Variants in RTN1 observed in about 807,000 individuals in gnomAD.
The protein encoded by RTN1 is reticulon 1.
In RTN1, 25 loss-of-function variants were observed where a neutral mutation model predicts 65.5. That is an observed-to-expected ratio of 0.38 (90% CI 0.28 to 0.53). The LOEUF (loss-of-function observed/expected upper bound fraction) is 0.53, where lower values mean the gene tolerates loss of function less well. Ranked by LOEUF, RTN1 falls within the 20% of genes least tolerant of loss-of-function variation. The pLI, the probability that RTN1 is intolerant of heterozygous loss-of-function variation, is 0.79. For missense variants in RTN1, 983 were observed against 1,025.4 expected (o/e 0.96, Z 0.57); for synonymous variants, 471 against 447.6 (o/e 1.05, Z -0.66).
chr14:59,840,399 T>C (rs942555772), intron 1 of RTN1, among the ~76,000 whole-genome samples: 1 of 152,200 alleles, frequency 6.6e-6, no homozygotes, highest in African/African-American at 2.4e-5. Flanking sequence ...TAAGAGCACA[T>C]GCTTTCAAGT....
intron 3 of RTN1, among the ~76,000 whole-genome samples, chr14:59,717,614 G>T (rs529647210): frequency 4.6e-5 from 7 of 152,326 alleles, no homozygotes; most frequent in Admixed American, 1.3e-4. Context: ...GCATTGTGGG[G>T]TGGAGAGATG....
intron 1 of RTN1, among the ~76,000 whole-genome samples, chr14:59,764,226 G>A (rs981482216): frequency 2.3e-4 from 35 of 152,114 alleles, no homozygotes; most frequent in African/African-American, 8.0e-4. Context: ...CTGTTTTAGA[G>A]CATAGAAGTG....
At position 59,727,154 on chromosome 14, in the gene RTN1, C is replaced by A. The variant is rs777516246; in HGVS notation, c.1530G>T (p.Ala510=). The A allele has an allele frequency of 3.8e-6, 6 of 1,598,036 alleles. No individual in the cohort carries two copies. In the Admixed American group the frequency reaches 8.7e-5, roughly 23 times the overall value. The change falls in exon 3 of 9, where the codon GCG becomes GCT. Residue 510 remains alanine, a synonymous_variant. Transcript: ENST00000267484. The surrounding 1 kb of genome is among the most constrained non-coding windows in gnomAD (Gnocchi z 4.2). ...GCTCGGCCAGGCCCCGCCGGCTTGG[C>A]GCACGCTCCTCGGCCCGGACGCCAG... ...EETGVRAEER[A]PSRRGLAEPG...
intron 1 of RTN1, among the ~76,000 whole-genome samples, chr14:59,755,891 A>C (rs1242639640): frequency 6.6e-6 from 1 of 152,198 alleles, no homozygotes. Flanking sequence ...TAAGAATATG[A>C]GTAACTACTC....
chr14:59,735,291 G>A (rs1884980632), intron 2 of RTN1, among the ~76,000 whole-genome samples: 1 of 152,130 alleles, frequency 6.6e-6, no homozygotes, highest in Middle Eastern at 3.2e-3. Flanking sequence ...ACACATTGAA[G>A]TATACAGACC....
chr14:59,604,080 G>A, intron 5 of RTN1, 159 bp from the exon 6 acceptor site: 1 of 492,350 alleles, frequency 2.0e-6, no homozygotes, highest in East Asian at 3.5e-5. Context: ...ATCAATGAAA[G>A]AGGATCCAGT....
Position 59,732,873 on chromosome 14 carries a change from G to A in RTN1, c.1016-5205C>T, listed in dbSNP as rs142987498. Reference sequence around the variant, plus strand: ...CTTACAAGATAAGGCCCACTGGCTCGGAATTTCAGCCAGCCACCAGCAACA... The same window carrying A: ...CTTACAAGATAAGGCCCACTGGCTCAGAATTTCAGCCAGCCACCAGCAACA... On this transcript the variant is annotated intron_variant, in intron 2 of 8. Coordinates refer to ENST00000267484, the MANE Select transcript of RTN1 (RefSeq NM_021136.3). Among the ~76,000 whole-genome samples, 654 of 152,252 alleles carry A rather than the reference G, an allele frequency of 4.3e-3. 3 individuals carry two copies. The highest frequency in any genetic ancestry group is 6.6e-3 in the Admixed American group (101 of 15,292).
At chr14:59,728,409 T>C (rs1320961763) in intron 2 of RTN1, among the ~76,000 whole-genome samples, 1 of 152,016 alleles carries the variant, frequency 6.6e-6, no homozygotes, top group Non-Finnish European at 1.5e-5. Flanking sequence ...TCTTCTCCTC[T>C]CTTCACTTCC....
intron 3 of RTN1, among the ~76,000 whole-genome samples, chr14:59,615,496 T>A (rs1420704080): frequency 1.3e-5 from 2 of 152,100 alleles, no homozygotes; most frequent in Non-Finnish European, 2.9e-5. Context: ...ATCATACTGA[T>A]GTGGGGCCTG....
At chr14:59,775,188 C>T (rs1215994117) in intron 1 of RTN1, among the ~76,000 whole-genome samples, 1 of 152,076 alleles carries the variant, frequency 6.6e-6, no homozygotes, top group Non-Finnish European at 1.5e-5. Flanking sequence ...TGTCTACTGG[C>T]TGAATGTCAC....
chr14:59,797,245 C>T (rs535188672), intron 1 of RTN1, among the ~76,000 whole-genome samples: 1 of 152,152 alleles, frequency 6.6e-6, no homozygotes, highest in South Asian at 2.1e-4. Flanking sequence ...TTTTGAGCAA[C>T]TTCTATAAGC....
Position 59,829,050 on chromosome 14 carries a change from T to G in RTN1, c.241+41340A>C, listed in dbSNP as rs1317229967. ...ACTGCTCAATACTGAAGCAGCTGAA[T>G]AATGATGGACTTTAGGACACTTAAC... On this transcript the variant is annotated intron_variant, in intron 1 of 8. Transcript: ENST00000267484. This position sits in a 1 kb window ranked among gnomAD's most constrained non-coding sequence, Gnocchi z 4.3. Among the ~76,000 whole-genome samples the G allele has an allele frequency of 6.6e-6, 1 of 152,200 alleles. No individual in the cohort carries two copies. Among genetic ancestry groups the G allele is most frequent in the Admixed American group, 6.5e-5 (1 of 15,278 alleles).
chr14:59,600,513 G>A (rs556592619), intron 8 of RTN1, among the ~76,000 whole-genome samples: 27 of 152,272 alleles, frequency 1.8e-4, no homozygotes, highest in African/African-American at 6.0e-4. Flanking sequence ...TACCACTAAA[G>A]TGGTGTAAGT....
chr14:59,721,635 A>G (rs1489131439), intron 3 of RTN1, among the ~76,000 whole-genome samples: 1 of 152,214 alleles, frequency 6.6e-6, no homozygotes, highest in Admixed American at 6.5e-5. Flanking sequence ...AGTCCTTGCT[A>G]GCTTAAAGAA....
At chr14:59,639,768 T>C (rs1280263333) in intron 3 of RTN1, among the ~76,000 whole-genome samples, 11 of 152,210 alleles carry the variant, frequency 7.2e-5, no homozygotes, top group Non-Finnish European at 1.5e-4. Context: ...CAAATACTTT[T>C]TCTAAAGCTA....
At chr14:59,787,362 T>A (rs1038118340) in intron 1 of RTN1, among the ~76,000 whole-genome samples, 8 of 152,308 alleles carry the variant, frequency 5.3e-5, no homozygotes, top group African/African-American at 1.9e-4. Flanking sequence ...ATCTTCAGTC[T>A]ACTCTTTTGT....
chr14:59,786,256 A>C (rs1013160357), intron 1 of RTN1, among the ~76,000 whole-genome samples: 1 of 152,172 alleles, frequency 6.6e-6, no homozygotes, highest in Non-Finnish European at 1.5e-5. Context: ...AGATAGGCCT[A>C]GGTTTGAATT....
chr14:59,783,159 T>C (rs1886187585), intron 1 of RTN1, among the ~76,000 whole-genome samples: 1 of 152,216 alleles, frequency 6.6e-6, no homozygotes, highest in Admixed American at 6.5e-5. Context: ...AATCTATATG[T>C]TGATCCCTAT....
chr14:59,667,768 G>A (rs2140212182), intron 3 of RTN1, among the ~76,000 whole-genome samples: 1 of 152,224 alleles, frequency 6.6e-6, no homozygotes, highest in Non-Finnish European at 1.5e-5. Context: ...AAAGTCTCAG[G>A]ATACAAAATC....
Sources: allele counts gnomAD v4.1 joint callset (sites outside exome capture counted in the v4.1 genomes callset), GRCh38; gene constraint gnomAD v4.1.1; non-coding constraint Gnocchi (gnomAD v3.1); transcripts MANE v1.5; gene names NCBI Gene and HGNC (gene_info 2026-07-23, HGNC 2026-07-21).